Variants in PLCE1 observed in about 807,000 individuals in gnomAD.
The protein encoded by PLCE1 is phospholipase C epsilon 1, also known as 1-phosphatidylinositol 4,5-bisphosphate phosphodiesterase epsilon-1.
A neutral mutation model predicts 242.8 loss-of-function variants in PLCE1; 119 were observed. The ratio of observed to expected loss-of-function variants is 0.49; its 90% CI spans 0.42 to 0.57. The LOEUF (loss-of-function observed/expected upper bound fraction) is 0.57. Ranked by LOEUF, PLCE1 falls within the 20% of genes least tolerant of loss-of-function variation. The pLI is 0.00. For missense variants in PLCE1, 2,441 were observed against 2,788.8 expected, an observed-to-expected ratio of 0.88 and a Z score of 2.81; for synonymous variants, 945 against 1,017.4, an observed-to-expected ratio of 0.93 and a Z score of 1.35.
intron 4 of PLCE1, among the ~76,000 whole-genome samples, chr10:94,197,679 A>G (rs1030890439): frequency 7.2e-5 from 11 of 152,234 alleles, no homozygotes; most frequent in African/African-American, 2.7e-4. Context: ...GAAGCGTGAC[A>G]TTAAGATATA....
intron 2 of PLCE1, among the ~76,000 whole-genome samples, chr10:94,078,125 G>A (rs1378114093): frequency 6.6e-6 from 1 of 152,198 alleles, no homozygotes; most frequent in Admixed American, 6.5e-5. Context: ...CTCTGATGAT[G>A]TAGTTACATA....
At chr10:94,264,481 A>G (rs1450063838) in intron 14 of PLCE1, among the ~76,000 whole-genome samples, 2 of 150,736 alleles carry the variant, frequency 1.3e-5, no homozygotes, top group Non-Finnish European at 1.5e-5. Context: ...GATACCACTG[A>G]AATTTTTGAG....
chr10:94,255,495 A>G (rs1203237800), intron 11 of PLCE1, among the ~76,000 whole-genome samples: 1 of 152,202 alleles, frequency 6.6e-6, no homozygotes, highest in African/African-American at 2.4e-5. Context: ...AGAAAGTTCT[A>G]TTGGATAGCA....
intron 7 of PLCE1, among the ~76,000 whole-genome samples, chr10:94,240,289 C>G (rs1270800188): frequency 6.6e-6 from 1 of 152,168 alleles, no homozygotes; most frequent in Non-Finnish European, 1.5e-5. Flanking sequence ...TAAGCAAACA[C>G]TGCTCTAAAT....
rs1392627113 is a variant in PLCE1, at chr10:94,105,970, A to G, written c.1207-26204A>G. On this transcript the variant is annotated intron_variant, in intron 2 of 32. Coordinates refer to ENST00000371380, the MANE Select transcript of PLCE1 (RefSeq NM_016341.4). ...ACAACAAACCTATAAGGTTGGTACT[A>G]TCATTATTACCATTTTACAAATAAG... The G allele has an allele frequency of 3.9e-5, 6 of 152,188 alleles. No homozygotes were observed. In the South Asian group the frequency reaches 1.0e-3, roughly 26 times the overall value. The allele number at this position is 152,188 out of a possible 1,614,324, so 9.4% of individuals were successfully genotyped here. A position where few individuals can be genotyped will look rare whatever the true frequency, so the allele number is the denominator to read the frequency against.
At chr10:94,022,760 G>A (rs1275681362) in intron 1 of PLCE1, among the ~76,000 whole-genome samples, 1 of 151,986 alleles carries the variant, frequency 6.6e-6, no homozygotes, top group African/African-American at 2.4e-5. Flanking sequence ...GTTTGGAGAA[G>A]ATTTTTCTGA....
chr10:94,043,499 T>C (rs2061813087), intron 2 of PLCE1, among the ~76,000 whole-genome samples: 1 of 152,178 alleles, frequency 6.6e-6, no homozygotes, highest in African/African-American at 2.4e-5. Flanking sequence ...CACCAAATTA[T>C]AAATGGTGAC....
intron 1 of PLCE1, among the ~76,000 whole-genome samples, chr10:93,995,614 T>G (rs548958721): frequency 2.0e-5 from 3 of 152,376 alleles, no homozygotes; most frequent in South Asian, 2.1e-4. Context: ...AAATATCTAC[T>G]TTGGAGAAGG....
At chr10:94,218,165 C>T (rs2049593740) in intron 4 of PLCE1, among the ~76,000 whole-genome samples, 1 of 152,068 alleles carries the variant, frequency 6.6e-6, no homozygotes, top group South Asian at 2.1e-4. Flanking sequence ...TTTGGGATAA[C>T]ATGAATTATT....
chr10:94,089,796 G>T (rs1034028142), intron 2 of PLCE1, among the ~76,000 whole-genome samples: 1 of 151,956 alleles, frequency 6.6e-6, no homozygotes, highest in Non-Finnish European at 1.5e-5. Flanking sequence ...TCTTCTTTTT[G>T]CAGATTTGGT....
intron 2 of PLCE1, among the ~76,000 whole-genome samples, chr10:94,056,897 A>C (rs995927434): frequency 2.5e-4 from 37 of 149,568 alleles, no homozygotes; most frequent in African/African-American, 8.9e-4. Flanking sequence ...ATATGGAATC[A>C]CGCAATGTTT....
At chr10:94,255,900 ACACACACACACACACTCTCTCTCT>A (rs1564834234) in intron 11 of PLCE1, among the ~76,000 whole-genome samples, 2 of 96,484 alleles carry the variant, frequency 2.1e-5, no homozygotes, top group Non-Finnish European at 4.3e-5. Context: ...ACACACACAC[ACACACACACACACACTCTCTCTCT>A]CTCTCTCTCT....
chr10:94,175,818 A>G (rs1423079129), intron 4 of PLCE1, among the ~76,000 whole-genome samples: 3 of 152,206 alleles, frequency 2.0e-5, no homozygotes, highest in Non-Finnish European at 4.4e-5. Context: ...GTGAGAACAC[A>G]CAGAGGTTAT....
At chr10:94,012,303 G>A (rs2134280027) in intron 1 of PLCE1, among the ~76,000 whole-genome samples, 1 of 152,038 alleles carries the variant, frequency 6.6e-6, no homozygotes, top group South Asian at 2.1e-4. Context: ...CATGCCTATG[G>A]AATTCTGCCC....
chr10:94,260,977 A>T (rs918360742), intron 13 of PLCE1, among the ~76,000 whole-genome samples: 1 of 152,202 alleles, frequency 6.6e-6, no homozygotes, highest in African/African-American at 2.4e-5. Context: ...CAATTGAGTT[A>T]ATATTGATAT....
intron 22 of PLCE1, among the ~76,000 whole-genome samples, chr10:94,288,289 C>A (rs2052530696): frequency 6.6e-6 from 1 of 152,028 alleles, no homozygotes; most frequent in South Asian, 2.1e-4. Flanking sequence ...CTTGACATAC[C>A]CATAGCTTAA....
intron 27 of PLCE1, among the ~76,000 whole-genome samples, chr10:94,309,030 G>T (rs2053296770): frequency 6.6e-6 from 1 of 152,226 alleles, no homozygotes; most frequent in African/African-American, 2.4e-5. Context: ...ATATTACAGT[G>T]TCTATCAGGG....
At chr10:94,279,135 G>A (rs1337481077) in intron 19 of PLCE1, 1 of 152,196 alleles carries the variant, frequency 6.6e-6, no homozygotes, top group African/African-American at 2.4e-5. Context: ...TCTTAAGCTA[G>A]GTAGGTTCCC....
At chr10:94,024,182 CTT>C (rs1236205593) in intron 1 of PLCE1, among the ~76,000 whole-genome samples, 2 of 152,154 alleles carry the variant, frequency 1.3e-5, no homozygotes, top group African/African-American at 4.8e-5. Flanking sequence ...TCTTTAATCT[CTT>C]TGCTGAGTGG....
Sources: allele counts gnomAD v4.1 joint callset (sites outside exome capture counted in the v4.1 genomes callset), GRCh38; gene constraint gnomAD v4.1.1; transcripts MANE v1.5; gene names NCBI Gene and HGNC (gene_info 2026-07-23, HGNC 2026-07-21).